Variants in TENM2 observed in about 807,000 individuals in gnomAD.
The protein encoded by TENM2 is teneurin-2.
A neutral mutation model predicts 245.2 loss-of-function variants in TENM2; 52 were observed. That is an observed-to-expected ratio of 0.21 (90% CI 0.17 to 0.27). TENM2 has a LOEUF of 0.27. Ranked by LOEUF, TENM2 falls within the 10% of genes least tolerant of loss-of-function variation. The pLI, the probability that TENM2 is intolerant of heterozygous loss-of-function variation, is 1.00. For missense variants in TENM2, 3,046 were observed against 3,666.8 expected (o/e 0.83, Z 4.37); for synonymous variants, 1,363 against 1,438.9 (o/e 0.95, Z 1.19).
chr5:167,982,845 G>A (rs1782946138), intron 4 of TENM2, among the ~76,000 whole-genome samples: 2 of 152,168 alleles, frequency 1.3e-5, no homozygotes, highest in Admixed American at 1.3e-4. Flanking sequence ...ATCACATGAA[G>A]CAGAATAACC....
At chr5:167,120,004 C>T in the TENM2 span, among the ~76,000 whole-genome samples, 723 of 152,102 alleles carry the variant, frequency 4.8e-3, 3 homozygotes, top group African/African-American at 0.016. Flanking sequence ...ATGTGGGAGT[C>T]GAGCCTCGTA....
chr5:168,218,738 A>G lies in TENM2; in HGVS notation c.4847A>G (p.Asn1616Ser). ...CTGGTGACAGGGGAGTACTTGTACA[A>G]TTTCACATATAGTACTGACAATGAT... is the stretch of plus-strand genomic sequence containing the variant. Residue 1616 changes from asparagine (N) to serine (S), a missense_variant, in exon 23 of 29, where the codon AAT becomes AGT. Around this residue, in one of 2 missense-constraint regions of TENM2, gnomAD observed 2,704 missense variants for 3,331.9 expected, o/e 0.81. Coordinates refer to ENST00000518659, the Ensembl canonical transcript of TENM2. The surrounding 1 kb of genome is among the most constrained non-coding windows in gnomAD (Gnocchi z 5.2). 3 of 1,613,982 alleles carry G rather than the reference A, an allele frequency of 1.9e-6. No individual in the cohort carries two copies. Among genetic ancestry groups the G allele is most frequent in the Non-Finnish European group, 2.5e-6 (3 of 1,179,900 alleles).
intron 2 of TENM2, among the ~76,000 whole-genome samples, chr5:167,376,504 A>G (rs1760761717): frequency 1.3e-5 from 2 of 152,230 alleles, no homozygotes; most frequent in Non-Finnish European, 2.9e-5. Context: ...TGAATGCAAA[A>G]GCATAGCTAA....
chr5:167,794,643 T>G (rs1408939442), intron 2 of TENM2, among the ~76,000 whole-genome samples: 4 of 152,208 alleles, frequency 2.6e-5, no homozygotes, highest in African/African-American at 9.7e-5. Flanking sequence ...CTTGGGGACA[T>G]GTTTCACATG....
chr5:167,264,061 T>C, the TENM2 span, among the ~76,000 whole-genome samples: 2 of 149,236 alleles, frequency 1.3e-5, no homozygotes. Context: ...GCTGAGATCA[T>C]GCCACTGCAC....
chr5:167,242,046 G>GTTTTTTTT, the TENM2 span, among the ~76,000 whole-genome samples: 3 of 131,500 alleles, frequency 2.3e-5, no homozygotes, highest in African/African-American at 8.5e-5. Flanking sequence ...TTTGTTTTTT[G>GTTTTTTTT]TTTTTTTTTT....
intron 2 of TENM2, among the ~76,000 whole-genome samples, chr5:167,782,235 C>T (rs1272013244): frequency 6.9e-6 from 1 of 144,838 alleles, no homozygotes; most frequent in Non-Finnish European, 1.5e-5. Context: ...ATCCCTTGAA[C>T]CCAGGAGGTA....
chr5:168,180,063 G>A (rs758565134), intron 13 of TENM2, among the ~76,000 whole-genome samples: 2 of 152,206 alleles, frequency 1.3e-5, no homozygotes, highest in Non-Finnish European at 2.9e-5. Context: ...CGTGGTTTGT[G>A]TTGGGCCTGA....
rs372108238 is a variant in TENM2, at chr5:167,488,415, C to A, written c.502+112942C>A. ...TTAATTACTCCCATATTGCTAAATC[C>A]AATTGCCTATTCTTAGTCTCATCTT... On this transcript the variant is annotated intron_variant, in intron 2 of 28. Transcript: ENST00000518659. Among the ~76,000 whole-genome samples, 71 of 152,198 alleles carry A rather than the reference C, an allele frequency of 4.7e-4. 2 individuals are homozygous for A. The South Asian group carries it at 7.5e-3, about 16-fold the overall frequency.
intron 10 of TENM2, among the ~76,000 whole-genome samples, chr5:168,122,303 A>G (rs939675455): frequency 6.6e-6 from 1 of 152,174 alleles, no homozygotes; most frequent in African/African-American, 2.4e-5. Flanking sequence ...CAGCCTCCCA[A>G]GTAGCTGGGA....
In TENM2 at chr5:167,983,970, C is replaced by A. The variant is rs77032449; in HGVS notation, c.948-8974C>A. On this transcript the variant is annotated intron_variant, in intron 4 of 28. Transcript: ENST00000518659. ...ACTATACACGGCTCCTGCCCTCAAGCCATTAATATCTGCATTTATTGACCA... is the reference window on the plus strand; with the variant it reads ...ACTATACACGGCTCCTGCCCTCAAGACATTAATATCTGCATTTATTGACCA... 7.2e-5 allele frequency among the ~76,000 whole-genome samples: 11 copies of A among 152,296 alleles called. No individual in the cohort carries two copies. The East Asian group carries it at 2.1e-3, about 29-fold the overall frequency.
intron 9 of TENM2, among the ~76,000 whole-genome samples, chr5:168,115,155 A>G (rs1017258768): frequency 6.6e-6 from 1 of 152,010 alleles, no homozygotes; most frequent in Admixed American, 6.6e-5. Context: ...TTAGCCGGGC[A>G]TGGTAGCAGG....
the TENM2 span, among the ~76,000 whole-genome samples, chr5:167,050,417 A>C: frequency 6.6e-6 from 1 of 152,156 alleles, no homozygotes; most frequent in South Asian, 2.1e-4. Flanking sequence ...CAGTCTGTGA[A>C]AAAAAATTTC....
At chr5:167,604,291 C>T (rs1030612022) in intron 2 of TENM2, among the ~76,000 whole-genome samples, 2 of 152,064 alleles carry the variant, frequency 1.3e-5, no homozygotes, top group Non-Finnish European at 2.9e-5. Flanking sequence ...AACTGCAGCA[C>T]GTAAAATAGC....
At chr5:167,818,462 G>A (rs146876454) in intron 2 of TENM2, among the ~76,000 whole-genome samples, 154 of 152,276 alleles carry the variant, frequency 1.0e-3, no homozygotes, top group African/African-American at 3.5e-3. Context: ...GCTAAGCACA[G>A]AGCTAACTAA....
At chr5:167,298,419 C>A (rs184781994) in intron 1 of TENM2, among the ~76,000 whole-genome samples, 7 of 152,100 alleles carry the variant, frequency 4.6e-5, no homozygotes, top group Non-Finnish European at 4.4e-5. Flanking sequence ...CTGGCTAACA[C>A]GGTGAAACCC....
At chr5:167,435,629 T>G (rs10039349) in intron 2 of TENM2, among the ~76,000 whole-genome samples, 3,629 of 152,268 alleles carry the variant, frequency 0.024, 140 homozygotes, top group African/African-American at 0.082. Context: ...AAAAGATACC[T>G]GAAAATATGG....
intron 27 of TENM2, among the ~76,000 whole-genome samples, chr5:168,255,832 G>A (rs1767601870): frequency 6.6e-6 from 1 of 151,750 alleles, no homozygotes; most frequent in East Asian, 1.9e-4. Context: ...TTGAGACGAA[G>A]TCTCACTCTG....
At chr5:167,508,640 A>C (rs1473413798) in intron 2 of TENM2, among the ~76,000 whole-genome samples, 2 of 152,212 alleles carry the variant, frequency 1.3e-5, no homozygotes, top group Non-Finnish European at 2.9e-5. Context: ...GTCACTGTGC[A>C]ACAGAAATAA....
Sources: allele counts gnomAD v4.1 joint callset (sites outside exome capture counted in the v4.1 genomes callset), GRCh38; gene constraint gnomAD v4.1.1; regional missense constraint gnomAD v4.1.1; non-coding constraint Gnocchi (gnomAD v3.1); transcripts MANE v1.5; gene names NCBI Gene and HGNC (gene_info 2026-07-23, HGNC 2026-07-21).